The following TLK1 variants were observed in gnomAD, a reference collection of about 807,000 sequenced individuals.
TLK1 encodes serine/threonine-protein kinase tousled-like 1.
A neutral mutation model predicts 105.3 loss-of-function variants in TLK1; 24 were observed. The ratio of observed to expected loss-of-function variants is 0.23; its 90% confidence interval spans 0.17 to 0.32. The LOEUF (loss-of-function observed/expected upper bound fraction) is 0.32, where lower values mean the gene tolerates loss of function less well. TLK1 is among the 10% of genes least tolerant of loss of function. The pLI is 1.00. For synonymous variants in TLK1, 321 were observed against 310.4 expected, an observed-to-expected ratio of 1.03 and a Z score of -0.36; for missense variants, 558 against 910.5, an observed-to-expected ratio of 0.61 and a Z score of 4.98.
At chr2:171,094,546 G>A (rs772344856) in intron 2 of TLK1, among the ~76,000 whole-genome samples, 1 of 152,112 alleles carries the variant, frequency 6.6e-6, no homozygotes, top group Non-Finnish European at 1.5e-5. Context: ...TCAAAACATG[G>A]CAGCATGTAT....
chr2:171,112,351 T>C (rs1380509077), intron 2 of TLK1, among the ~76,000 whole-genome samples: 2 of 152,220 alleles, frequency 1.3e-5, no homozygotes, highest in Non-Finnish European at 2.9e-5. Flanking sequence ...ATTGTATTAA[T>C]AATCCAAAGG....
intron 8 of TLK1, among the ~76,000 whole-genome samples, chr2:171,052,923 A>G (rs751588643): frequency 9.2e-5 from 14 of 152,188 alleles, no homozygotes; most frequent in Non-Finnish European, 1.5e-4. Context: ...AAAACTACCA[A>G]TGTCCAAGAC....
chr2:171,175,590 A>T (rs1692806231), intron 1 of TLK1, among the ~76,000 whole-genome samples: 1 of 152,224 alleles, frequency 6.6e-6, no homozygotes. Flanking sequence ...ATACACAATG[A>T]AGAAAAACTG....
intron 1 of TLK1, among the ~76,000 whole-genome samples, chr2:171,186,133 T>C (rs765223966): frequency 6.6e-6 from 1 of 152,228 alleles, no homozygotes; most frequent in Non-Finnish European, 1.5e-5. Context: ...TGACTCAGGC[T>C]CTAAAAGTAA....
At chr2:171,075,170 C>T (rs184829882) in intron 3 of TLK1, among the ~76,000 whole-genome samples, 1 of 152,036 alleles carries the variant, frequency 6.6e-6, no homozygotes, top group Non-Finnish European at 1.5e-5. Context: ...ATACACTAAG[C>T]ACTAGCTAAG....
At chr2:171,049,727 G>C in intron 10 of TLK1, 87 bp downstream of exon 10, 1 of 1,511,298 alleles carries the variant, frequency 6.6e-7, no homozygotes, top group South Asian at 1.2e-5. Flanking sequence ...CGAGGAACTG[G>C]AGAGCATAAT....
intron 3 of TLK1, among the ~76,000 whole-genome samples, chr2:171,075,246 A>T (rs1688447363): frequency 6.6e-6 from 1 of 152,172 alleles, no homozygotes; most frequent in African/African-American, 2.4e-5. Context: ...ATATAAAACA[A>T]GGTTAAATCA....
chr2:171,020,064 A>G (rs956415095), intron 12 of TLK1, among the ~76,000 whole-genome samples: 2 of 11,802 alleles, frequency 1.7e-4, no homozygotes, highest in African/African-American at 1.8e-4. Flanking sequence ...TCCGTCTCAG[A>G]AAAAAAAAAA....
chr2:171,155,290 A>C (rs990150265), intron 1 of TLK1, among the ~76,000 whole-genome samples: 6 of 152,224 alleles, frequency 3.9e-5, no homozygotes, highest in African/African-American at 1.4e-4. Flanking sequence ...CTGTGCTGAA[A>C]TATATTACAA....
intron 1 of TLK1, among the ~76,000 whole-genome samples, chr2:171,218,770 C>G (rs1454683805): frequency 1.3e-5 from 2 of 152,106 alleles, no homozygotes; most frequent in Non-Finnish European, 2.9e-5. Context: ...TTTGTAGGAG[C>G]CTTAATCCCA....
At chr2:171,103,945 T>A (rs189520429) in intron 2 of TLK1, among the ~76,000 whole-genome samples, 1 of 152,244 alleles carries the variant, frequency 6.6e-6, no homozygotes, top group African/African-American at 2.4e-5. Flanking sequence ...ACACAGAAAT[T>A]AGTAGCATTT....
rs780065685 is a variant in TLK1, at chr2:171,112,150, C to T, written c.258+5589G>A. ...TATTTTTACTAGAGACAGGGTTTCA[C>T]CATATTGGCCAGGCTGTTCTCAAAC... On this transcript the variant is annotated intron_variant, in intron 2 of 20. Coordinates refer to ENST00000431350, the MANE Select transcript of TLK1 (RefSeq NM_012290.5). 2.6e-5 allele frequency among the ~76,000 whole-genome samples: 4 copies of T among 152,156 alleles called. No individual in the cohort carries two copies. In the East Asian group the frequency reaches 7.7e-4, roughly 29 times the overall value.
rs1040554737 is a variant in TLK1, at chr2:171,061,029, CAATT to C, written c.406+48_406+51del. On this transcript the variant is annotated intron_variant, in intron 4 of 20. Transcript: ENST00000431350. ...AGTATTAATTGGTTAAAAATTAAAA[CAATT>C]AATTTTAAGTGTCCACTAGGCTCTG... 52 of 1,524,398 alleles carry C rather than the reference CAATT, an allele frequency of 3.4e-5. No individual in the cohort carries two copies. The East Asian group carries it at 3.9e-4, about 11-fold the overall frequency. The allele number at this position is 1,524,398 out of a possible 1,614,324, so 94.4% of individuals were successfully genotyped here.
intron 2 of TLK1, among the ~76,000 whole-genome samples, chr2:171,097,922 T>C (rs1013565799): frequency 2.0e-4 from 28 of 139,350 alleles, no homozygotes; most frequent in African/African-American, 5.7e-4. Flanking sequence ...AAGACTCCAC[T>C]AGGAAAGGAA....
chr2:171,146,906 C>T (rs903498131), intron 1 of TLK1, among the ~76,000 whole-genome samples: 2 of 152,164 alleles, frequency 1.3e-5, no homozygotes, highest in African/African-American at 4.8e-5. Flanking sequence ...CCTCAGTAGG[C>T]CTCCTTAAGG....
intron 12 of TLK1, among the ~76,000 whole-genome samples, chr2:171,018,330 T>C (rs1685305514): frequency 6.6e-6 from 1 of 152,240 alleles, no homozygotes; most frequent in Non-Finnish European, 1.5e-5. Flanking sequence ...GTTGTTTAGG[T>C]GCCCAGTCTG....
rs71401413 is a variant in TLK1, at chr2:171,227,568, CTTTTTTTTTT to C, written c.-6+3567_-6+3576del. On this transcript the variant is annotated intron_variant, in intron 1 of 20. Coordinates refer to the TLK1 transcript ENST00000521943. ...AGTTAGTCATGAGTTAGTAAATCTC[CTTTTTTTTTT>C]TTTTTTTTTTTTTTTTTTTTGTTTA... 7.7e-4 allele frequency among the ~76,000 whole-genome samples: 43 copies of C among 55,518 alleles called. No homozygotes were observed. The South Asian group carries it at 0.013, about 17-fold the overall frequency. 36.4% of individuals were successfully genotyped at this position (55,518 alleles called of 152,430 possible).
intron 1 of TLK1, among the ~76,000 whole-genome samples, chr2:171,193,466 G>C (rs1407010376): frequency 6.7e-6 from 1 of 149,120 alleles, no homozygotes; most frequent in Non-Finnish European, 1.5e-5. Flanking sequence ...GCGCGATCTC[G>C]GCTCACTGCA....
At chr2:171,188,965 A>G (rs552523036) in intron 1 of TLK1, among the ~76,000 whole-genome samples, 90 of 152,240 alleles carry the variant, frequency 5.9e-4, no homozygotes, top group African/African-American at 2.1e-3. Context: ...CAACAGACTC[A>G]TTTACATCCT....
Sources: gnomAD v4.1 joint callset for allele counts (sites outside exome capture counted in the v4.1 genomes callset) on GRCh38, gnomAD v4.1.1 for gene constraint, MANE v1.5 for transcripts, NCBI Gene and HGNC (gene_info 2026-07-23, HGNC 2026-07-21) for gene names.